The following ASAP3 variants were observed in gnomAD, a reference collection of about 807,000 sequenced individuals.
ASAP3 encodes ArfGAP with SH3 domain, ankyrin repeat and PH domain 3, also known as arf-GAP with SH3 domain, ANK repeat and PH domain-containing protein 3.
A neutral mutation model predicts 118.2 loss-of-function variants in ASAP3; 85 were observed. That is an observed-to-expected ratio of 0.72 (90% CI 0.60 to 0.86). The LOEUF (loss-of-function observed/expected upper bound fraction) is 0.86. Ranked by LOEUF, ASAP3 falls within the 40% of genes least tolerant of loss-of-function variation. The pLI is 0.00. For missense variants in ASAP3, 1,026 were observed against 1,175.0 expected, an observed-to-expected ratio of 0.87 and a Z score of 1.85; for synonymous variants, 432 against 477.4, an observed-to-expected ratio of 0.90 and a Z score of 1.24.
intron 5 of ASAP3, 110 bp downstream of exon 5, chr1:23,451,369 G>A (rs1641208899): frequency 2.4e-6 from 3 of 1,244,046 alleles, no homozygotes; most frequent in Non-Finnish European, 3.5e-6. Context: ...CCTCTACAGA[G>A]CCAGATGTCA....
intron 5 of ASAP3, among the ~76,000 whole-genome samples, chr1:23,445,925 T>C (rs1385597560): frequency 6.6e-6 from 1 of 151,652 alleles, no homozygotes; most frequent in Non-Finnish European, 1.5e-5. Flanking sequence ...AAGGCTGCAG[T>C]GAGCCATGAT....
rs1404260651 is a variant in ASAP3, at chr1:23,481,369, T to TG, written c.129+2635dup. On this transcript the variant is annotated intron_variant, in intron 1 of 24. Transcript: ENST00000336689. ...ATTCAGTCAAATAGAGCTACAAGCC[T>TG]GGGGGTGGGTTAGTCAAGCCCAGAA... Among the ~76,000 whole-genome samples the TG allele has an allele frequency of 3.9e-5, 6 of 152,298 alleles. No homozygotes were observed. In the East Asian group the frequency reaches 9.6e-4, roughly 24 times the overall value.
intron 1 of ASAP3, among the ~76,000 whole-genome samples, chr1:23,475,585 G>C (rs1345602774): frequency 6.6e-6 from 1 of 152,160 alleles, no homozygotes; most frequent in African/African-American, 2.4e-5. Context: ...TCTCAAATGT[G>C]TATCTCCAGC....
At chr1:23,470,936 T>C (rs569241985) in intron 1 of ASAP3, among the ~76,000 whole-genome samples, 76 of 152,110 alleles carry the variant, frequency 5.0e-4, no homozygotes, top group Non-Finnish European at 1.0e-3. Context: ...AACAAGAACT[T>C]TGCTGGACTA....
chr1:23,453,115 C>G (rs559893032), intron 3 of ASAP3, among the ~76,000 whole-genome samples: 1 of 152,268 alleles, frequency 6.6e-6, no homozygotes, highest in South Asian at 2.1e-4. Flanking sequence ...CTGCACTGCT[C>G]CAGCAGCATC....
intron 1 of ASAP3, among the ~76,000 whole-genome samples, chr1:23,468,963 A>C (rs930691662): frequency 1.3e-5 from 2 of 151,770 alleles, no homozygotes; most frequent in Middle Eastern, 3.4e-3. Context: ...CAAAAAAAAA[A>C]ACAAAAAAAA....
In ASAP3 at chr1:23,461,471, A is replaced by T. The variant is rs142117357; in HGVS notation, c.130-5277T>A. ...GATTGCTTGAGCCTAGTTCGAGGCC[A>T]GCCTGGGCAACATAGTGAGAGTCTG... is the stretch of plus-strand genomic sequence containing the variant. On this transcript the variant is annotated intron_variant, in intron 1 of 24. Coordinates refer to ENST00000336689, the MANE Select transcript of ASAP3 (RefSeq NM_017707.4). 7.9e-5 allele frequency among the ~76,000 whole-genome samples: 12 copies of T among 152,220 alleles called. No individual in the cohort carries two copies. In the South Asian group the frequency reaches 1.0e-3, roughly 13 times the overall value.
chr1:23,456,692 C>G (rs685059), intron 1 of ASAP3, among the ~76,000 whole-genome samples: 114,222 of 152,114 alleles, frequency 0.75, 44,886 homozygotes, highest in Middle Eastern at 0.89. Context: ...ACATCTCTAT[C>G]TTCCCTTAAG....
chr1:23,454,557 G>T (rs1011992171), intron 3 of ASAP3, among the ~76,000 whole-genome samples: 1 of 152,128 alleles, frequency 6.6e-6, no homozygotes, highest in Non-Finnish European at 1.5e-5. Context: ...GGGCTCAAGC[G>T]ATCCACACAC....
At chr1:23,459,609 T>C (rs752562570) in intron 1 of ASAP3, among the ~76,000 whole-genome samples, 1 of 152,186 alleles carries the variant, frequency 6.6e-6, no homozygotes, top group African/African-American at 2.4e-5. Context: ...TCCTGCCACA[T>C]GCAGAGAGAA....
At chr1:23,457,692 T>C (rs771464332) in intron 1 of ASAP3, among the ~76,000 whole-genome samples, 1 of 152,294 alleles carries the variant, frequency 6.6e-6, no homozygotes, top group East Asian at 1.9e-4. Context: ...TTTGTATTTT[T>C]AGTAGAGACG....
rs35532104 is a variant in ASAP3, at chr1:23,440,855, CAAA to C, written c.944+244_944+246del. On this transcript the variant is annotated intron_variant, in intron 10 of 24. Transcript: ENST00000336689. ...TGGGCGACAGAGTGAGACTCTATCT[CAAA>C]AAAAAAAAAAAAAAAAAGTGTTAGC... is the stretch of plus-strand genomic sequence containing the variant. 2.4e-3 allele frequency among the ~76,000 whole-genome samples: 267 copies of C among 109,894 alleles called. 4 individuals are homozygous for C. The East Asian group carries it at 0.055, about 23-fold the overall frequency. The allele number at this position is 109,894 out of a possible 152,430, so 72.1% of individuals were successfully genotyped here.
rs150324380 is a variant in ASAP3, at chr1:23,434,603, C to T, written c.1765G>A (p.Val589Ile). The T allele has an allele frequency of 3.2e-5, 51 of 1,614,006 alleles. No individual in the cohort carries two copies. The highest frequency in any genetic ancestry group is 1.7e-4 in the African/African-American group (13 of 74,884). Residue 589 changes from valine (V) to isoleucine (I), a missense_variant, in exon 18 of 25, where the codon GTC becomes ATC. Physicochemically the swap from Val to Ile is conservative, Grantham distance 29 (BLOSUM62 3). Coordinates refer to ENST00000336689, the MANE Select transcript of ASAP3 (RefSeq NM_017707.4). Reference sequence around the variant, plus strand: ...GCGACTTTGACAGCCAAATGCAAGACGAGTTCTTCAGGTGCCTGAAAACAC... The same window carrying T: ...GCGACTTTGACAGCCAAATGCAAGATGAGTTCTTCAGGTGCCTGAAAACAC... The part of the protein sequence containing the change: ...GPDAQAPEEL[V>I]LHLAVKVANQ...
chr1:23,431,169 G>C, intron 23 of ASAP3, 44 bp from the exon 24 acceptor site: 1 of 1,544,380 alleles, frequency 6.5e-7, no homozygotes, highest in South Asian at 1.2e-5. Flanking sequence ...TGTCCAGAGA[G>C]CCCCTCAGAG....
chr1:23,434,644 AT>A (rs777651129), intron 17 of ASAP3, 26 bp from the exon 18 acceptor site: 1 of 1,606,384 alleles, frequency 6.2e-7, no homozygotes, highest in Non-Finnish European at 8.5e-7. Flanking sequence ...CACCTCTGAG[AT>A]TCCCCCCCCA....
chr1:23,474,338 T>G (rs966801457), intron 1 of ASAP3, among the ~76,000 whole-genome samples: 1 of 152,144 alleles, frequency 6.6e-6, no homozygotes, highest in Non-Finnish European at 1.5e-5. Flanking sequence ...ATTTTACCTC[T>G]GGGCATCTGG....
chr1:23,464,744 T>A (rs1358435406), intron 1 of ASAP3, among the ~76,000 whole-genome samples: 1 of 147,806 alleles, frequency 6.8e-6, no homozygotes, highest in Non-Finnish European at 1.5e-5. Context: ...AGTCAGAGAT[T>A]CTCAAGGTGG....
intron 7 of ASAP3, 44 bp downstream of exon 7, chr1:23,442,142 T>C: frequency 1.3e-6 from 2 of 1,555,846 alleles, no homozygotes; most frequent in Non-Finnish European, 1.7e-6. Flanking sequence ...CCTTGTTCTG[T>C]GACACTGGAA....
In ASAP3 at chr1:23,437,477, C is replaced by A; in HGVS notation, c.1103-5G>T. The A allele has an allele frequency of 6.2e-7, 1 of 1,614,032 alleles. No individual in the cohort carries two copies. The highest frequency in any genetic ancestry group is 8.5e-7 in the Non-Finnish European group (1 of 1,179,962). On this transcript the variant is annotated splice_polypyrimidine_tract_variant and splice_region_variant and intron_variant, in intron 12 of 24. Transcript: ENST00000336689. This position sits in a 1 kb window ranked among gnomAD's most constrained non-coding sequence, Gnocchi z 6.1. ...GAAAGTGGTACGTCCGGTTGTCTGTCGGGAGAGAAGGGGGCTTCTGACCCA... is the reference window on the plus strand; with the variant it reads ...GAAAGTGGTACGTCCGGTTGTCTGTAGGGAGAGAAGGGGGCTTCTGACCCA...
Sources: allele counts gnomAD v4.1 joint callset (sites outside exome capture counted in the v4.1 genomes callset), GRCh38; gene constraint gnomAD v4.1.1; non-coding constraint Gnocchi (gnomAD v3.1); transcripts MANE v1.5; gene names NCBI Gene and HGNC (gene_info 2026-07-23, HGNC 2026-07-21).